Variants in CFB observed in about 807,000 individuals in gnomAD.
The protein encoded by CFB is B-factor, properdin.
Under a neutral mutation model 97.2 loss-of-function variants are expected in CFB, and 59 were observed. The observed-to-expected ratio is 0.61, with a 90% CI of 0.49 to 0.75. The LOEUF (loss-of-function observed/expected upper bound fraction) is 0.75, where lower values mean the gene tolerates loss of function less well. CFB is among the 30% of genes least tolerant of loss of function. The probability of loss-of-function intolerance (pLI) is 0.00; values close to 1 mark genes in which losing one functional copy is unlikely to be tolerated. For synonymous variants in CFB, 316 were observed against 351.7 expected (o/e 0.90, Z 1.14); for missense variants, 771 against 959.8 (o/e 0.80, Z 2.60).
chr6:31,951,275 T>G lies in CFB; in HGVS notation c.1956+31T>G. On this transcript the variant is annotated intron_variant, in intron 15 of 17. Coordinates refer to ENST00000425368, the MANE Select transcript of CFB (RefSeq NM_001710.6). This position sits in a 1 kb window ranked among gnomAD's most constrained non-coding sequence, Gnocchi z 4.3. ...AAACGGGCATCCTAAGGAGGCACTC[T>G]AGGCCCCAATCCTTCCTAAGCCACT... 4 of 1,613,400 alleles carry G rather than the reference T, an allele frequency of 2.5e-6. No homozygotes were observed. Among genetic ancestry groups the G allele is most frequent in the Non-Finnish European group, 3.4e-6 (4 of 1,179,902 alleles).
Position 31,946,387 on chromosome 6 carries a change from C to T in CFB, c.79C>T (p.Pro27Ser). 1 of 1,613,088 alleles carries T rather than the reference C, an allele frequency of 6.2e-7. No individual in the cohort carries two copies. The highest frequency in any genetic ancestry group is 1.1e-5 in the South Asian group (1 of 91,088). Reference sequence around the variant, plus strand: ...TTTCTCTTCAGGTGTGACCACCACTCCATGGTCTTTGGCCCGGCCCCAGGG... The same window carrying T: ...TTTCTCTTCAGGTGTGACCACCACTTCATGGTCTTTGGCCCGGCCCCAGGG... ...GLLSGGVTTT[P>S]WSLARPQGSC... Residue 27 changes from proline to serine, a missense_variant, in exon 2 of 18, where the codon CCA becomes TCA. Physicochemically the swap from Pro to Ser is moderately conservative, Grantham distance 74. Coordinates refer to ENST00000425368, the MANE Select transcript of CFB (RefSeq NM_001710.6). The surrounding 1 kb of genome is among the most constrained non-coding windows in gnomAD (Gnocchi z 6.4).
In CFB at chr6:31,947,676, C is replaced by T; in HGVS notation, c.659-66C>T. The T allele has an allele frequency of 6.3e-7, 1 of 1,586,116 alleles. No homozygotes were observed. The highest frequency in any genetic ancestry group is 8.7e-7 in the Non-Finnish European group (1 of 1,155,830). On this transcript the variant is annotated intron_variant, in intron 4 of 17. Transcript: ENST00000425368. The surrounding 1 kb of genome is among the most constrained non-coding windows in gnomAD (Gnocchi z 5.3). ...TTTATACCCTGGAAACCCATGATCC[C>T]CCGTCTCTTTGGTCACTGTATCCCT... is the stretch of plus-strand genomic sequence containing the variant.
At chr6:31,950,515 C>A (rs747193442) in intron 12 of CFB, 104 bp from the exon 13 acceptor site, 1 of 1,576,716 alleles carries the variant, frequency 6.3e-7, no homozygotes, top group Non-Finnish European at 8.7e-7. Context: ...ATTCCTTGCA[C>A]CCCAGACCAG....
In CFB at chr6:31,950,423, T is replaced by C; in HGVS notation, c.1624+20T>C. ...GCGTAGGTAAGGATGCAACTGAAGG[T>C]CCTGGGCTGCACCTATGCTCTCCAG... On this transcript the variant is annotated intron_variant, in intron 12 of 17. Transcript: ENST00000425368. 6.2e-7 allele frequency: 1 copy of C among 1,604,166 alleles called. No individual in the cohort carries two copies. The highest frequency in any genetic ancestry group is 2.2e-5 in the East Asian group (1 of 44,856).
intron 10 of CFB, 125 bp downstream of exon 10, chr6:31,949,682 C>T (rs1296668022): frequency 8.7e-7 from 1 of 1,154,476 alleles, no homozygotes; most frequent in Non-Finnish European, 1.3e-6. Context: ...TTCTCTACCT[C>T]AGTGTCACTA....
rs1461043574 is a variant in CFB at position 31,951,787 on chromosome 6, A to G, written c.2140-88A>G. ...GCTGGGTCCCTAGTCTGATTCCTTT[A>G]GGTCAGCTAAGACACAAGCAGGAAC... On this transcript the variant is annotated intron_variant, in intron 17 of 17. Coordinates refer to ENST00000425368, the MANE Select transcript of CFB (RefSeq NM_001710.6). The surrounding 1 kb of genome is among the most constrained non-coding windows in gnomAD (Gnocchi z 4.3). 2 of 1,601,226 alleles carry G rather than the reference A, an allele frequency of 1.2e-6. No individual in the cohort carries two copies. Among genetic ancestry groups the G allele is most frequent in the African/African-American group, 2.7e-5 (2 of 74,638 alleles).
At position 31,946,190 on chromosome 6, in the gene CFB, C is replaced by A. The variant is rs751751301; in HGVS notation, c.-32C>A. The A allele has an allele frequency of 3.1e-6, 5 of 1,611,836 alleles. No individual in the cohort carries two copies. The highest frequency in any genetic ancestry group is 4.2e-6 in the Non-Finnish European group (5 of 1,179,010). ...CAAGCCAGGACACACCATCCTGCCC[C>A]AGGCCCAGCTTCTCTCCTGCCTTCC... On this transcript the variant is annotated 5_prime_UTR_variant, in exon 1 of 18. Transcript: ENST00000425368. This position sits in a 1 kb window ranked among gnomAD's most constrained non-coding sequence, Gnocchi z 6.4.
Position 31,947,623 on chromosome 6 carries a change from C to T in CFB, c.658+102C>T, listed in dbSNP as rs2051328197. 3.8e-6 allele frequency: 6 copies of T among 1,579,048 alleles called. No homozygotes were observed. The highest frequency in any genetic ancestry group is 5.2e-6 in the Non-Finnish European group (6 of 1,149,572). ...TCTTTCCTCACTTTGTTTAAACCTC[C>T]CTGTACAACTATCTCACTTCTGAGC... On this transcript the variant is annotated intron_variant, in intron 4 of 17. Transcript: ENST00000425368. This position sits in a 1 kb window ranked among gnomAD's most constrained non-coding sequence, Gnocchi z 5.3.
At position 31,950,286 on chromosome 6, in the gene CFB, C is replaced by T. The variant is rs774737044; in HGVS notation, c.1507C>T (p.Arg503Cys). ...QPWQAKISVI[R>C]PSKGHESCMG... is the part of the protein sequence containing the mutation. ...TCCCTCTCTACTGTTGTGTCCCCAGCGCCCTTCAAAGGGACACGAGAGCTG... is the reference window on the plus strand; with the variant it reads ...TCCCTCTCTACTGTTGTGTCCCCAGTGCCCTTCAAAGGGACACGAGAGCTG... Residue 503 changes from arginine to cysteine, a missense_variant and splice_region_variant, in exon 12 of 18, where the codon CGC (arginine) becomes TGC (cysteine). By Grantham distance (180) the Arg-to-Cys change is radical. Transcript: ENST00000425368. 7.4e-6 allele frequency: 12 copies of T among 1,612,024 alleles called. No individual in the cohort carries two copies. Among genetic ancestry groups the T allele is most frequent in the Admixed American group, 6.7e-5 (4 of 59,994 alleles).
rs770320961 is a variant in CFB, at chr6:31,946,312, G to A, written c.64+27G>A. ...TAAGCGAGGGTAACCTTCCCTTCCT[G>A]CTGTCTCCAGCATCCCTCCTTGGCC... On this transcript the variant is annotated intron_variant, in intron 1 of 17. Coordinates refer to ENST00000425368, the MANE Select transcript of CFB (RefSeq NM_001710.6). The surrounding 1 kb of genome is among the most constrained non-coding windows in gnomAD (Gnocchi z 6.4). 34 of 1,612,988 alleles carry A rather than the reference G, an allele frequency of 2.1e-5. No homozygotes were observed. The Middle Eastern group carries it at 8.2e-4, about 39-fold the overall frequency.
chr6:31,946,961 C>T lies in CFB; in HGVS notation c.299-46C>T, dbSNP rs748853456. The T allele has an allele frequency of 1.5e-5, 24 of 1,597,486 alleles. No homozygotes were observed. Among genetic ancestry groups the T allele is most frequent in the Non-Finnish European group, 2.1e-5 (24 of 1,165,956 alleles). On this transcript the variant is annotated intron_variant, in intron 2 of 17. Coordinates refer to ENST00000425368, the MANE Select transcript of CFB (RefSeq NM_001710.6). The surrounding 1 kb of genome is among the most constrained non-coding windows in gnomAD (Gnocchi z 6.4). ...GAGACCAGGAGGGATACACCTAAGG[C>T]AGCCTTTCCCTCTTGATGACTTCTA...
Position 31,951,602 on chromosome 6 carries a change from C to A in CFB, c.2137C>A (p.Gln713Lys). The change falls in exon 17 of 18, where the codon CAA becomes AAA. Residue 713 changes from glutamine to lysine, a missense_variant and splice_region_variant. Gln to Lys is a moderately conservative substitution (Grantham distance 53, BLOSUM62 1). Transcript: ENST00000425368. This position sits in a 1 kb window ranked among gnomAD's most constrained non-coding sequence, Gnocchi z 4.3. The stretch of plus-strand genomic sequence containing the variant: ...AGTTCACAAGAGAAGTCGTTTCATT[C>A]AAGTGAGTCCTCCCTTTCCTATCTG... ...LIVHKRSRFI[Q>K]VGVISWGVVD... 6.2e-7 allele frequency: 1 copy of A among 1,614,202 alleles called. No individual in the cohort carries two copies. The highest frequency in any genetic ancestry group is 8.5e-7 in the Non-Finnish European group (1 of 1,180,042).
Position 31,949,422 on chromosome 6 carries a change from G to A in CFB, c.1273G>A (p.Val425Ile). 3.1e-6 allele frequency: 5 copies of A among 1,614,208 alleles called. No homozygotes were observed. Among genetic ancestry groups the A allele is most frequent in the Non-Finnish European group, 4.2e-6 (5 of 1,180,050 alleles). Residue 425 changes from valine (V) to isoleucine (I), a missense_variant and splice_region_variant, in exon 10 of 18, where the codon GTC becomes ATC. By Grantham distance (29) the Val-to-Ile change is conservative (BLOSUM62 3). Transcript: ENST00000425368. Reference protein sequence around the residue: ...RKNPREDYLDVYVFGVGPLVN... With the variant: ...RKNPREDYLDIYVFGVGPLVN... ...CATCCTTCCTTTTTATCCCTCAGAT[G>A]TCTATGTGTTTGGGGTCGGGCCTTT...
At position 31,951,056 on chromosome 6, in the gene CFB, G is replaced by A; in HGVS notation, c.1856-88G>A. The A allele has an allele frequency of 6.4e-7, 1 of 1,569,166 alleles. No homozygotes were observed. Among genetic ancestry groups the A allele is most frequent in the Non-Finnish European group, 8.8e-7 (1 of 1,141,492 alleles). On this transcript the variant is annotated intron_variant, in intron 14 of 17. Transcript: ENST00000425368. This position sits in a 1 kb window ranked among gnomAD's most constrained non-coding sequence, Gnocchi z 4.3. ...CCTGGCCCAGAACCTAGCTCTAGAA[G>A]GGCTTAGGGGACATCTACTGAGTGA...
chr6:31,949,227 C>G lies in CFB; in HGVS notation c.1169-16C>G, dbSNP rs778982624. On this transcript the variant is annotated splice_polypyrimidine_tract_variant and intron_variant, in intron 8 of 17. Coordinates refer to ENST00000425368, the MANE Select transcript of CFB (RefSeq NM_001710.6). ...CTTCCTTATCTCCTACCCTCATGGT[C>G]CTGTCTCTTCTGCAGGATTGCACAA... The G allele has an allele frequency of 3.1e-6, 5 of 1,613,184 alleles. No homozygotes were observed. Among genetic ancestry groups the G allele is most frequent in the Non-Finnish European group, 4.2e-6 (5 of 1,179,240 alleles).
chr6:31,950,671 C>T lies in CFB; in HGVS notation c.1677C>T (p.Tyr559=). The T allele has an allele frequency of 6.2e-7, 1 of 1,612,998 alleles. No homozygotes were observed. Among genetic ancestry groups the T allele is most frequent in the Non-Finnish European group, 8.5e-7 (1 of 1,180,016 alleles). Residue 559 remains tyrosine, a synonymous_variant, in exon 13 of 18, where the codon TAC becomes TAT. Coordinates refer to ENST00000425368, the MANE Select transcript of CFB (RefSeq NM_001710.6). ...AAGTAGTCCTATTTCACCCCAACTA[C>T]AACATTAATGGGAAAAAAGAAGCAG... ...EIEVVLFHPN[Y]NINGKKEAGI...
At position 31,951,224 on chromosome 6, in the gene CFB, T is replaced by C; in HGVS notation, c.1936T>C (p.Tyr646His). Residue 646 changes from tyrosine to histidine, a missense_variant, in exon 15 of 18, where the codon TAC becomes CAC. Tyr to His is a moderately conservative substitution (Grantham distance 83). Transcript: ENST00000425368. This position sits in a 1 kb window ranked among gnomAD's most constrained non-coding sequence, Gnocchi z 4.3. ...GAAAAAGCTGACTCGGAAGGAGGTC[T>C]ACATCAAGAATGGGGATAAGGTGAG... ...EEKKLTRKEV[Y>H]IKNGDKKGSC... 1 of 1,613,164 alleles carries C rather than the reference T, an allele frequency of 6.2e-7. No homozygotes were observed. The highest frequency in any genetic ancestry group is 8.5e-7 in the Non-Finnish European group (1 of 1,180,020).
chr6:31,951,722 G>C lies in CFB; in HGVS notation c.2139+118G>C. 7.0e-6 allele frequency: 11 copies of C among 1,564,164 alleles called. No individual in the cohort carries two copies. The highest frequency in any genetic ancestry group is 1.4e-5 in the African/African-American group (1 of 73,992). On this transcript the variant is annotated intron_variant, in intron 17 of 17. Coordinates refer to ENST00000425368, the MANE Select transcript of CFB (RefSeq NM_001710.6). This position sits in a 1 kb window ranked among gnomAD's most constrained non-coding sequence, Gnocchi z 4.3. ...GTAGGCAGAGCCTGCCTCACCTTAG[G>C]ACCGCATGTCTTGCCTGCGTGTGTC...
intron 9 of CFB, 23 bp from the exon 10 acceptor site, chr6:31,949,397 C>T (rs1771619434): frequency 2.5e-6 from 4 of 1,614,254 alleles, no homozygotes; most frequent in Non-Finnish European, 3.4e-6. Flanking sequence ...CTTGGACCCT[C>T]ATCCTTCCTT....
Sources: gnomAD v4.1 joint callset for allele counts on GRCh38, gnomAD v4.1.1 for gene constraint, Gnocchi (gnomAD v3.1) non-coding constraint, MANE v1.5 for transcripts, NCBI Gene and HGNC (gene_info 2026-07-23, HGNC 2026-07-21) for gene names.